BRWD1: variants seen among roughly 807,000 people sequenced by gnomAD.
BRWD1 encodes the protein bromodomain and WD repeat-containing protein 1.
Under a neutral mutation model 251.2 loss-of-function variants are expected in BRWD1, and 82 were observed. The observed-to-expected ratio is 0.33, with a 90% CI of 0.27 to 0.39. BRWD1 has a LOEUF of 0.39. Ranked by LOEUF, BRWD1 falls within the 10% of genes least tolerant of loss-of-function variation. The pLI is 1.00. For missense variants in BRWD1, 2,233 were observed against 2,711.6 expected (o/e 0.82, Z 3.92); for synonymous variants, 918 against 902.8 (o/e 1.02, Z -0.30).
intron 21 of BRWD1, among the ~76,000 whole-genome samples, chr21:39,239,599 T>A (rs1209511903): frequency 6.6e-6 from 1 of 152,098 alleles, no homozygotes; most frequent in Non-Finnish European, 1.5e-5. Context: ...CCAAGTAGAG[T>A]GTCAGTCTTT....
At position 39,193,772 on chromosome 21, in the gene BRWD1, G is replaced by C. The variant is rs2146446537; in HGVS notation, c.*2487C>G. 1 of 985,108 alleles carries C rather than the reference G, an allele frequency of 1.0e-6. No homozygotes were observed. The highest frequency in any genetic ancestry group is 4.7e-5 in the South Asian group (1 of 21,270). The allele number at this position is 985,108 out of a possible 1,614,324, so 61.0% of individuals were successfully genotyped here. On this transcript the variant is annotated 3_prime_UTR_variant, in exon 41 of 41. Coordinates refer to ENST00000342449, the MANE Select transcript of BRWD1 (RefSeq NM_033656.4). ...AGTACACCTGTGCATTAAATCCCTG[G>C]GCATTTTGCATAACGTAGAAAAAAA...
Position 39,313,256 on chromosome 21 carries a change from A to G in BRWD1, c.93T>C (p.Cys31=). ...CCGCACTCACCTGGGCCGCTCTCCGACACGGGCCCGCCGATAGGTACCGGG... is the reference window on the plus strand; with the variant it reads ...CCGCACTCACCTGGGCCGCTCTCCGGCACGGGCCCGCCGATAGGTACCGGG... ...LIARYLSAGP[C]RRAAQVLVQE... is the part of the protein sequence containing the mutation. The change falls in exon 2 of 41, where the codon TGT becomes TGC. Residue 31 remains cysteine (C), a synonymous_variant. Coordinates refer to ENST00000342449, the MANE Select transcript of BRWD1 (RefSeq NM_033656.4). 1.3e-6 allele frequency: 2 copies of G among 1,548,648 alleles called. No homozygotes were observed. The highest frequency in any genetic ancestry group is 1.2e-5 in the South Asian group (1 of 85,180).
At position 39,274,480 on chromosome 21, in the gene BRWD1, C is replaced by T. The variant is rs2035217597; in HGVS notation, c.1146-8G>A. 1.2e-6 allele frequency: 2 copies of T among 1,601,878 alleles called. No individual in the cohort carries two copies. The highest frequency in any genetic ancestry group is 2.7e-5 in the African/African-American group (2 of 74,670). On this transcript the variant is annotated splice_region_variant and splice_polypyrimidine_tract_variant and intron_variant, in intron 12 of 40. Transcript: ENST00000342449. ...CTGCTACCACTTAGGAACCTTAAAA[C>T]ATTCAGAACAGGATCTTACTATATT...
chr21:39,317,062 A>C (rs2036706121), upstream of BRWD1: 1 of 152,126 alleles, frequency 6.6e-6, no homozygotes, highest in African/African-American at 2.4e-5. Flanking sequence ...GATTTCTAAC[A>C]AGAGAGAGAA....
At chr21:39,226,088 T>C (rs958973146) in intron 27 of BRWD1, among the ~76,000 whole-genome samples, 1 of 152,138 alleles carries the variant, frequency 6.6e-6, no homozygotes, top group Non-Finnish European at 1.5e-5. Context: ...TTCTTGCTAT[T>C]TACCTAATAC....
chr21:39,270,933 T>C (rs1280138037), intron 13 of BRWD1, among the ~76,000 whole-genome samples: 1 of 152,250 alleles, frequency 6.6e-6, no homozygotes, highest in Admixed American at 6.5e-5. Flanking sequence ...TACAGTCTAC[T>C]CCTACAGGCC....
chr21:39,302,801 T>G (rs1320789364), intron 4 of BRWD1, among the ~76,000 whole-genome samples: 1 of 149,660 alleles, frequency 6.7e-6, no homozygotes, highest in South Asian at 2.1e-4. Context: ...GGCTCATGCC[T>G]GTAATCCCAG....
chr21:39,321,205 G>A (rs978176478), exon 1 of BRWD1: 6 of 151,838 alleles, frequency 4.0e-5, no homozygotes, highest in Non-Finnish European at 8.8e-5. Flanking sequence ...AGCACTTTGG[G>A]AGGCCGGGGC....
chr21:39,243,076 C>T (rs2034057815), intron 21 of BRWD1, among the ~76,000 whole-genome samples: 1 of 152,112 alleles, frequency 6.6e-6, no homozygotes, highest in South Asian at 2.1e-4. Flanking sequence ...TGTAATTTTA[C>T]CATAGAGAAA....
At chr21:39,200,429 C>T in intron 38 of BRWD1, 43 bp from the exon 39 acceptor site, 2 of 1,536,784 alleles carry the variant, frequency 1.3e-6, no homozygotes, top group Non-Finnish European at 1.8e-6. Flanking sequence ...ATTCTCCTGT[C>T]TTTACACACA....
intron 19 of BRWD1, 59 bp from the exon 20 acceptor site, chr21:39,250,948 T>C: frequency 9.8e-7 from 1 of 1,015,956 alleles, no homozygotes; most frequent in Non-Finnish European, 1.4e-6. Flanking sequence ...CTAAAGGATA[T>C]AAAGAATAAA....
chr21:39,202,598 T>G, intron 37 of BRWD1, 53 bp from the exon 38 acceptor site: 1 of 1,304,354 alleles, frequency 7.7e-7, no homozygotes, highest in Non-Finnish European at 1.1e-6. Context: ...ACAAAGATAA[T>G]TGGTTCACAG....
Position 39,188,290 on chromosome 21 carries a change from T to C in BRWD1, c.*7969A>G. On this transcript the variant is annotated 3_prime_UTR_variant, in exon 41 of 41. Coordinates refer to ENST00000342449, the MANE Select transcript of BRWD1 (RefSeq NM_033656.4). ...ACTGCCTTCATGGTACACACCAATC[T>C]TGATGGCAGTTTGTTTTGTAGGACC... 1.0e-6 allele frequency: 1 copy of C among 985,380 alleles called. No homozygotes were observed. The highest frequency in any genetic ancestry group is 1.2e-6 in the Non-Finnish European group (1 of 829,898). The allele number at this position is 985,380 out of a possible 1,614,324, so 61.0% of individuals were successfully genotyped here.
chr21:39,209,549 C>A (rs1455545644), intron 36 of BRWD1, among the ~76,000 whole-genome samples: 1 of 152,124 alleles, frequency 6.6e-6, no homozygotes, highest in Non-Finnish European at 1.5e-5. Flanking sequence ...AATCTGATAG[C>A]TCATGTGTTC....
At chr21:39,312,548 C>T (rs1054280115) in intron 4 of BRWD1, 4 of 300,484 alleles carry the variant, frequency 1.3e-5, no homozygotes, top group South Asian at 4.1e-5. Flanking sequence ...CTGCGCACGC[C>T]ACACCCCCGC....
intron 4 of BRWD1, 73 bp downstream of exon 4, chr21:39,312,768 C>G: frequency 7.5e-7 from 1 of 1,328,576 alleles, no homozygotes; most frequent in Non-Finnish European, 1.0e-6. Flanking sequence ...GGCCGGGGTC[C>G]CCGCGAGGGG....
chr21:39,280,122 C>A, intron 9 of BRWD1, 26 bp downstream of exon 9: 1 of 1,487,332 alleles, frequency 6.7e-7, no homozygotes, highest in East Asian at 2.3e-5. Context: ...AAAAACAAAA[C>A]CTGTTACATA....
At chr21:39,294,097 C>T in intron 7 of BRWD1, 65 bp from the exon 8 acceptor site, 1 of 1,284,688 alleles carries the variant, frequency 7.8e-7, no homozygotes, top group Non-Finnish European at 1.1e-6. Context: ...TAAAAGAATA[C>T]CTTTTATATG....
Position 39,190,054 on chromosome 21 carries a change from T to C in BRWD1, c.*6205A>G, listed in dbSNP as rs2031466736. 3 of 985,272 alleles carry C rather than the reference T, an allele frequency of 3.0e-6. No homozygotes were observed. Among genetic ancestry groups the C allele is most frequent in the Admixed American group, 6.2e-5 (1 of 16,246 alleles). 61.0% of individuals were successfully genotyped at this position (985,272 alleles called of 1,614,324 possible). On this transcript the variant is annotated 3_prime_UTR_variant, in exon 41 of 41. Coordinates refer to ENST00000342449, the MANE Select transcript of BRWD1 (RefSeq NM_033656.4). Reference sequence around the variant, plus strand: ...TCAGTAGTGTAAAACTGTACATCTGTAGTAGCACTCCATGATCATTTCCCT... The same window carrying C: ...TCAGTAGTGTAAAACTGTACATCTGCAGTAGCACTCCATGATCATTTCCCT...
Sources: gnomAD v4.1 joint callset for allele counts (sites outside exome capture counted in the v4.1 genomes callset) on GRCh38, gnomAD v4.1.1 for gene constraint, MANE v1.5 for transcripts, NCBI Gene and HGNC (gene_info 2026-07-23, HGNC 2026-07-21) for gene names.